The following DERPC variants were observed in gnomAD, a reference collection of about 807,000 sequenced individuals.
DERPC encodes the protein decreased expression in renal and prostate cancer protein.
A neutral mutation model predicts 7.2 loss-of-function variants in DERPC; 1 was observed. The ratio of observed to expected loss-of-function variants is 0.14; its 90% CI spans 0.05 to 0.66. DERPC has a LOEUF of 0.66. Ranked by LOEUF, DERPC falls within the 30% of genes least tolerant of loss-of-function variation. DERPC has a pLI of 0.84. For missense variants in DERPC, 502 were observed against 299.4 expected, an observed-to-expected ratio of 1.68 and a Z score of -4.99; for synonymous variants, 185 against 117.6, an observed-to-expected ratio of 1.57 and a Z score of -3.71.
chr16:69,129,577 G>A (rs904430770), intron 1 of DERPC, among the ~76,000 whole-genome samples: 1 of 152,132 alleles, frequency 6.6e-6, no homozygotes, highest in Non-Finnish European at 1.5e-5. Flanking sequence ...CTTTTAGCAA[G>A]GTCTTCTCAC....
chr16:69,127,925 C>CT (rs1369367893), intron 1 of DERPC, among the ~76,000 whole-genome samples: 2 of 143,130 alleles, frequency 1.4e-5, no homozygotes, highest in Non-Finnish European at 1.5e-5. Context: ...TCTCTTTCTT[C>CT]TTTTTTTGAG....
In DERPC at chr16:69,118,844, A is replaced by G; in HGVS notation, c.*10T>C. On this transcript the variant is annotated 3_prime_UTR_variant, in exon 3 of 3. Coordinates refer to ENST00000519520, the MANE Select transcript of DERPC (RefSeq NM_001002847.4). ...TAGAAACCAAGGTGGTCCTGGAGGG[A>G]AAATGGTGTTTAAGGGGGCAACATT... is the stretch of plus-strand genomic sequence containing the variant. The G allele has an allele frequency of 1.4e-6, 1 of 698,054 alleles. No homozygotes were observed. The highest frequency in any genetic ancestry group is 2.6e-6 in the Non-Finnish European group (1 of 381,866). The allele number at this position is 698,054 out of a possible 1,614,324, so 43.2% of individuals were successfully genotyped here.
chr16:69,132,463 G>GC (rs372312836), intron 1 of DERPC, 21 bp downstream of exon 1: 60,733 of 207,648 alleles, frequency 0.29, 9,915 homozygotes, highest in African/African-American at 0.44. Context: ...AGCCTCCCGT[G>GC]CCCCCCGCCC....
rs768473924 is a variant in DERPC at position 69,121,603 on chromosome 16, G to A, written c.-279-110C>T. The A allele has an allele frequency of 5.3e-4, 330 of 620,466 alleles. 2 individuals are homozygous for A. The highest frequency in any genetic ancestry group is 3.3e-4 in the Admixed American group (10 of 30,430). 38.4% of individuals were successfully genotyped at this position (620,466 alleles called of 1,614,324 possible). On this transcript the variant is annotated intron_variant, in intron 1 of 2. Transcript: ENST00000519520. The stretch of plus-strand genomic sequence containing the variant: ...ATCGATTCTCCTGCCTCAGCCTCCC[G>A]AGTAGCTGGGAATACAGGCACCCAC...
At position 69,118,137 on chromosome 16, in the gene DERPC, T is replaced by TA; in HGVS notation, c.*716dup. On this transcript the variant is annotated 3_prime_UTR_variant, in exon 3 of 3. Transcript: ENST00000519520. Reference sequence around the variant, plus strand: ...TTCCCTTCATCCCCCACCCCCACCCTAATTCCCATATTCCCATCCACATCA... The same window carrying TA: ...TTCCCTTCATCCCCCACCCCCACCCTAAATTCCCATATTCCCATCCACATCA... The TA allele has an allele frequency of 1.2e-5, 1 of 86,122 alleles. No homozygotes were observed. The highest frequency in any genetic ancestry group is 2.4e-5 in the Non-Finnish European group (1 of 42,040). 5.3% of individuals were successfully genotyped at this position (86,122 alleles called of 1,614,324 possible).
Position 69,118,639 on chromosome 16 carries a change from G to C in DERPC, c.*215C>G. The C allele has an allele frequency of 2.9e-6, 2 of 700,518 alleles. No individual in the cohort carries two copies. Among genetic ancestry groups the C allele is most frequent in the African/African-American group, 3.5e-5 (2 of 57,188 alleles). 43.4% of individuals were successfully genotyped at this position (700,518 alleles called of 1,614,324 possible). On this transcript the variant is annotated 3_prime_UTR_variant, in exon 3 of 3. Transcript: ENST00000519520. Reference sequence around the variant, plus strand: ...GAGGCTGGAGATCCTTTCTCTCAAGGGCAGGATTATTCCCACCTGCCACAG... The same window carrying C: ...GAGGCTGGAGATCCTTTCTCTCAAGCGCAGGATTATTCCCACCTGCCACAG...
At chr16:69,121,182 G>T in intron 2 of DERPC, 1 of 1,607,992 alleles carries the variant, frequency 6.2e-7, no homozygotes, top group Non-Finnish European at 8.5e-7. Context: ...TGCAAGCAAA[G>T]GGCTGGCGGT....
chr16:69,127,305 G>A (rs1047395500), intron 1 of DERPC, among the ~76,000 whole-genome samples: 2 of 150,352 alleles, frequency 1.3e-5, no homozygotes, highest in African/African-American at 4.9e-5. Flanking sequence ...AGAGTAGACA[G>A]AGTGAGTAGA....
intron 1 of DERPC, chr16:69,132,122 G>A (rs1007567017): frequency 1.3e-5 from 2 of 152,662 alleles, no homozygotes; most frequent in African/African-American, 2.5e-5. Flanking sequence ...CCCCTTCTCC[G>A]TCCTCCGCCC....
intron 1 of DERPC, among the ~76,000 whole-genome samples, chr16:69,126,707 G>C (rs991011410): frequency 3.9e-5 from 6 of 152,238 alleles, no homozygotes; most frequent in Admixed American, 1.3e-4. Flanking sequence ...TACGCACGTG[G>C]GTGTATTTAC....
At chr16:69,131,424 C>T (rs923232137) in intron 1 of DERPC, 4 of 151,804 alleles carry the variant, frequency 2.6e-5, no homozygotes, top group African/African-American at 9.7e-5. Context: ...GCCCCCTGTA[C>T]TCCCCCAAAC....
At chr16:69,124,098 T>C (rs1250548334) in intron 1 of DERPC, among the ~76,000 whole-genome samples, 3 of 151,508 alleles carry the variant, frequency 2.0e-5, no homozygotes, top group East Asian at 1.9e-4. Context: ...AGCAAGACTC[T>C]GTCTCAAAGG....
Position 69,121,571 on chromosome 16 carries a change from G to A in DERPC, c.-279-78C>T, listed in dbSNP as rs999918454. ...ACACCTAATGCAACCTCCACCTCCC[G>A]GGTTCAATCGATTCTCCTGCCTCAG... On this transcript the variant is annotated intron_variant, in intron 1 of 2. Coordinates refer to ENST00000519520, the MANE Select transcript of DERPC (RefSeq NM_001002847.4). The A allele has an allele frequency of 4.6e-5, 38 of 819,312 alleles. 1 individual carries two copies. In the South Asian group the frequency reaches 5.3e-4, roughly 12 times the overall value. The allele number at this position is 819,312 out of a possible 1,614,324, so 50.8% of individuals were successfully genotyped here.
At chr16:69,127,098 C>T (rs866934520) in intron 1 of DERPC, among the ~76,000 whole-genome samples, 1 of 151,992 alleles carries the variant, frequency 6.6e-6, no homozygotes, top group African/African-American at 2.4e-5. Flanking sequence ...ATTAGCCGCG[C>T]GTGGTGGCGG....
intron 1 of DERPC, among the ~76,000 whole-genome samples, chr16:69,126,740 G>A (rs547937273): frequency 1.4e-4 from 22 of 152,306 alleles, no homozygotes; most frequent in Non-Finnish European, 3.1e-4. Context: ...ACGTAGAGGA[G>A]GGCATCCTTT....
intron 1 of DERPC, among the ~76,000 whole-genome samples, chr16:69,123,709 G>C (rs978368425): frequency 6.6e-6 from 1 of 152,134 alleles, no homozygotes; most frequent in Non-Finnish European, 1.5e-5. Context: ...CATCTTTAGT[G>C]AATGGTAAGC....
At chr16:69,122,167 T>C (rs1961722226) in intron 1 of DERPC, among the ~76,000 whole-genome samples, 2 of 152,224 alleles carry the variant, frequency 1.3e-5, no homozygotes, top group Non-Finnish European at 2.9e-5. Context: ...CCTCTAACAA[T>C]GCCCTAAGTG....
At chr16:69,123,433 G>A (rs1373105509) in intron 1 of DERPC, among the ~76,000 whole-genome samples, 1 of 152,120 alleles carries the variant, frequency 6.6e-6, no homozygotes, top group East Asian at 1.9e-4. Flanking sequence ...TGAGGCGGTG[G>A]GTCACTTGAT....
chr16:69,124,845 C>A (rs1158818179), intron 1 of DERPC, among the ~76,000 whole-genome samples: 1 of 152,074 alleles, frequency 6.6e-6, no homozygotes, highest in Non-Finnish European at 1.5e-5. Context: ...GGATCTGCAG[C>A]CTTATAGTAT....
Sources: gnomAD v4.1 joint callset for allele counts (sites outside exome capture counted in the v4.1 genomes callset) on GRCh38, gnomAD v4.1.1 for gene constraint, MANE v1.5 for transcripts, NCBI Gene and HGNC (gene_info 2026-07-23, HGNC 2026-07-21) for gene names.